The following M1AP variants were observed in gnomAD, a reference collection of about 807,000 sequenced individuals.
M1AP encodes meiosis 1 associated protein, also known as meiosis 1 arrest protein.
M1AP carries 39 observed loss-of-function variants against 51.2 expected under a neutral mutation model. The observed-to-expected ratio is 0.76, with a 90% CI of 0.59 to 1.00. The LOEUF (loss-of-function observed/expected upper bound fraction) is 1.00. Among genes scored for constraint, M1AP ranks in the 50% least tolerant of loss-of-function variants. M1AP has a pLI of 0.00. For synonymous variants in M1AP, 251 were observed against 249.2 expected, an observed-to-expected ratio of 1.01 and a Z score of -0.07; for missense variants, 545 against 641.2, an observed-to-expected ratio of 0.85 and a Z score of 1.62.
At chr2:74,581,875 C>T in intron 4 of M1AP, 28 bp from the exon 5 acceptor site, 1 of 1,576,094 alleles carries the variant, frequency 6.3e-7, no homozygotes, top group Non-Finnish European at 8.6e-7. Flanking sequence ...ATAAAGTGTT[C>T]ACTTAGATTG....
At chr2:74,619,096 GCTT>G in intron 2 of M1AP, 1 of 353,982 alleles carries the variant, frequency 2.8e-6, no homozygotes, top group South Asian at 2.4e-5. Flanking sequence ...AGACCACTGT[GCTT>G]ATTATTGAAG....
chr2:74,580,242 G>A (rs1679319367), intron 5 of M1AP, among the ~76,000 whole-genome samples: 1 of 152,220 alleles, frequency 6.6e-6, no homozygotes, highest in Non-Finnish European at 1.5e-5. Flanking sequence ...AAGAAATGAA[G>A]TTAGTGCTTG....
intron 5 of M1AP, among the ~76,000 whole-genome samples, chr2:74,579,616 A>AT (rs1327831516): frequency 4.0e-5 from 6 of 151,594 alleles, no homozygotes; most frequent in Non-Finnish European, 5.9e-5. Flanking sequence ...TCTAAGACAC[A>AT]TTTTTTTTCA....
chr2:74,633,714 G>A (rs1682823925), intron 2 of M1AP, among the ~76,000 whole-genome samples: 1 of 151,992 alleles, frequency 6.6e-6, no homozygotes, highest in African/African-American at 2.4e-5. Context: ...CTATTGTGTT[G>A]GTCCTCAGTA....
chr2:74,617,786 A>G (rs544932310), intron 2 of M1AP, among the ~76,000 whole-genome samples: 1 of 152,334 alleles, frequency 6.6e-6, no homozygotes, highest in East Asian at 1.9e-4. Flanking sequence ...CTATATTTCT[A>G]TTATCGAAGG....
At chr2:74,583,497 G>A (rs940614294) in intron 4 of M1AP, among the ~76,000 whole-genome samples, 8 of 152,178 alleles carry the variant, frequency 5.3e-5, no homozygotes, top group African/African-American at 1.9e-4. Context: ...GGGTCTGCAG[G>A]TAAAGGTCAT....
chr2:74,607,021 T>G, intron 4 of M1AP, 34 bp downstream of exon 4: 1 of 1,601,532 alleles, frequency 6.2e-7, no homozygotes, highest in South Asian at 1.1e-5. Context: ...TTAAAATTCT[T>G]ACAATTCTTT....
At position 74,618,128 on chromosome 2, in the gene M1AP, TGTG is replaced by T; in HGVS notation, c.241-2982_241-2980del. Among the ~76,000 whole-genome samples the T allele has an allele frequency of 2.6e-5, 4 of 152,328 alleles. 1 individual carries two copies. In the South Asian group the frequency reaches 8.3e-4, roughly 32 times the overall value. Reference sequence around the variant, plus strand: ...GTAGCAAGTGAAGGTCAGGAGAAGATGTGGTACAAGGAAGGCAAGTGGGTAAGT... The same window carrying T: ...GTAGCAAGTGAAGGTCAGGAGAAGATGTACAAGGAAGGCAAGTGGGTAAGT... On this transcript the variant is annotated intron_variant, in intron 2 of 10. Transcript: ENST00000421985.
chr2:74,567,753 C>T (rs1289587002), intron 7 of M1AP, among the ~76,000 whole-genome samples: 1 of 152,132 alleles, frequency 6.6e-6, no homozygotes, highest in African/African-American at 2.4e-5. Context: ...AAGAATGCTG[C>T]CAAAACACAT....
intron 4 of M1AP, among the ~76,000 whole-genome samples, chr2:74,589,455 C>A (rs1190306020): frequency 6.6e-6 from 1 of 152,176 alleles, no homozygotes; most frequent in Admixed American, 6.5e-5. Flanking sequence ...CAGAGTAAAG[C>A]AAGTTCCTTT....
At chr2:74,617,151 T>C (rs1681714730) in intron 2 of M1AP, among the ~76,000 whole-genome samples, 1 of 152,234 alleles carries the variant, frequency 6.6e-6, no homozygotes, top group Admixed American at 6.5e-5. Flanking sequence ...ATTCATTCTA[T>C]TACATTTTAT....
intron 7 of M1AP, among the ~76,000 whole-genome samples, chr2:74,569,875 T>A (rs1450649698): frequency 6.6e-6 from 1 of 150,814 alleles, no homozygotes; most frequent in Non-Finnish European, 1.5e-5. Flanking sequence ...GTAGAGATAA[T>A]TTGTGTGTGT....
At chr2:74,588,063 G>A (rs1478098072) in intron 4 of M1AP, among the ~76,000 whole-genome samples, 2 of 152,120 alleles carry the variant, frequency 1.3e-5, no homozygotes. Context: ...GGAAAGTAGA[G>A]GCCCAGGAAA....
intron 2 of M1AP, 143 bp from the exon 3 acceptor site, chr2:74,615,292 A>G (rs535525025): frequency 1.4e-6 from 1 of 736,150 alleles, no homozygotes; most frequent in South Asian, 1.9e-5. Context: ...CTGAATTCCT[A>G]TTGTGTTCTA....
At chr2:74,637,855 G>A (rs917074208) in intron 2 of M1AP, among the ~76,000 whole-genome samples, 14 of 152,062 alleles carry the variant, frequency 9.2e-5, no homozygotes, top group African/African-American at 3.1e-4. Context: ...TCAGTACTCT[G>A]CTGAATACTC....
chr2:74,642,900 T>A (rs1227837875), intron 1 of M1AP, among the ~76,000 whole-genome samples: 2 of 152,200 alleles, frequency 1.3e-5, no homozygotes, highest in Non-Finnish European at 2.9e-5. Flanking sequence ...CAATCTTTTA[T>A]AGAGATGGGG....
intron 4 of M1AP, among the ~76,000 whole-genome samples, chr2:74,600,029 G>C (rs1680588472): frequency 6.6e-6 from 1 of 152,046 alleles, no homozygotes; most frequent in African/African-American, 2.4e-5. Context: ...CTCTTAAAGT[G>C]CTAGGGTTAC....
chr2:74,644,119 A>G (rs1683463658), intron 1 of M1AP, among the ~76,000 whole-genome samples: 1 of 152,234 alleles, frequency 6.6e-6, no homozygotes, highest in Non-Finnish European at 1.5e-5. Flanking sequence ...CATTCTATAT[A>G]ATTGTTTTTA....
At position 74,575,478 on chromosome 2, in the gene M1AP, G is replaced by A. The variant is rs2104563785; in HGVS notation, c.1034C>T (p.Thr345Ile). The A allele has an allele frequency of 1.2e-6, 2 of 1,614,086 alleles. No homozygotes were observed. Among genetic ancestry groups the A allele is most frequent in the Admixed American group, 3.3e-5 (2 of 60,012 alleles). Residue 345 changes from threonine to isoleucine, a missense_variant, in exon 7 of 11, where the codon ACA (threonine) becomes ATA (isoleucine). Physicochemically the swap from Thr to Ile is moderately conservative, Grantham distance 89. Transcript: ENST00000421985. ...CWQLDWDELE[T>I]NQQHFHALCH... ...CAAAGCATGGAAATGTTGCTGATTTGTCTCCAGCTCATCCCAGTCCAGCTG... is the reference window on the plus strand; with the variant it reads ...CAAAGCATGGAAATGTTGCTGATTTATCTCCAGCTCATCCCAGTCCAGCTG...
Sources: allele counts gnomAD v4.1 joint callset (sites outside exome capture counted in the v4.1 genomes callset), GRCh38; gene constraint gnomAD v4.1.1; transcripts MANE v1.5; gene names NCBI Gene and HGNC (gene_info 2026-07-23, HGNC 2026-07-21).